METTL2A: variants seen among roughly 807,000 people sequenced by gnomAD.
METTL2A encodes the protein tRNA N(3)-cytidine methyltransferase METTL2A.
In METTL2A, 45 loss-of-function variants were observed where a neutral mutation model predicts 49.4. The ratio of observed to expected loss-of-function variants is 0.91; its 90% CI spans 0.72 to 1.17. The LOEUF is 1.17. Ranked by LOEUF, METTL2A falls within the 50% of genes most tolerant of loss-of-function variation. METTL2A has a pLI of 0.00. For synonymous variants in METTL2A, 118 were observed against 167.5 expected, an observed-to-expected ratio of 0.70 and a Z score of 2.28; for missense variants, 361 against 462.2, an observed-to-expected ratio of 0.78 and a Z score of 2.01.
intron 5 of METTL2A, 138 bp downstream of exon 5, chr17:62,435,430 C>G: frequency 8.3e-7 from 1 of 1,210,930 alleles, no homozygotes; most frequent in East Asian, 2.5e-5. Context: ...TTACTGATAA[C>G]GAGCATACCT....
intron 4 of METTL2A, among the ~76,000 whole-genome samples, chr17:62,433,334 T>C (rs576971658): frequency 1.9e-4 from 29 of 151,818 alleles, no homozygotes; most frequent in African/African-American, 6.8e-4. Flanking sequence ...CTCAGGAAGC[T>C]AAGGCAGGAG....
intron 7 of METTL2A, among the ~76,000 whole-genome samples, chr17:62,445,477 A>G (rs1333062867): frequency 1.3e-5 from 2 of 152,098 alleles, no homozygotes; most frequent in East Asian, 1.9e-4. Flanking sequence ...CAAGACAGCT[A>G]CCTTTAGAAG....
chr17:62,439,081 C>T (rs1341023572), intron 5 of METTL2A, among the ~76,000 whole-genome samples: 6 of 148,662 alleles, frequency 4.0e-5, no homozygotes, highest in African/African-American at 1.5e-4. Flanking sequence ...CAGGTTCAAG[C>T]GATTCTCCTG....
chr17:62,425,874 G>A (rs1482236666), intron 2 of METTL2A, among the ~76,000 whole-genome samples: 6 of 151,434 alleles, frequency 4.0e-5, no homozygotes, highest in Non-Finnish European at 8.8e-5. Flanking sequence ...GGTGGCAGGC[G>A]CCTGTAGTCC....
chr17:62,452,107 A>G lies in METTL2A; in HGVS notation c.*3378A>G, dbSNP rs2070809534. Among the ~76,000 whole-genome samples, 2 of 152,354 alleles carry G rather than the reference A, an allele frequency of 1.3e-5. No homozygotes were observed. Among genetic ancestry groups the G allele is most frequent in the Admixed American group, 6.5e-5 (1 of 15,292 alleles). On this transcript the variant is annotated 3_prime_UTR_variant, in exon 9 of 9. Transcript: ENST00000311506. ...AAAAATAAATAATTGTATTGAATTTATTAGTTGTGTCTCAGTCTCCTTCAG... is the reference window on the plus strand; with the variant it reads ...AAAAATAAATAATTGTATTGAATTTGTTAGTTGTGTCTCAGTCTCCTTCAG...
chr17:62,443,115 A>G (rs2070747731), intron 6 of METTL2A, among the ~76,000 whole-genome samples: 2 of 152,202 alleles, frequency 1.3e-5, no homozygotes, highest in Admixed American at 1.3e-4. Context: ...GCTCACGCCT[A>G]TAATCCCACC....
rs192859023 is a variant in METTL2A at position 62,430,975 on chromosome 17, C to T, written c.608+3138C>T. Among the ~76,000 whole-genome samples, 333 of 152,342 alleles carry T rather than the reference C, an allele frequency of 2.2e-3. 1 individual carries two copies. The highest frequency in any genetic ancestry group is 7.5e-3 in the African/African-American group (313 of 41,590). On this transcript the variant is annotated intron_variant, in intron 4 of 8. Coordinates refer to ENST00000311506, the MANE Select transcript of METTL2A (RefSeq NM_181725.4). Reference sequence around the variant, plus strand: ...CCGCCTCCTGGGATCAAGCAATTCTCCTGCCTCAGCCTCCCAAGTAGCTGG... The same window carrying T: ...CCGCCTCCTGGGATCAAGCAATTCTTCTGCCTCAGCCTCCCAAGTAGCTGG...
At chr17:62,435,028 A>G (rs1160707357) in intron 4 of METTL2A, 26 of 622,804 alleles carry the variant, frequency 4.2e-5, no homozygotes, top group Middle Eastern at 7.3e-4. Context: ...TAAACTTCAT[A>G]TTAGCTATGT....
chr17:62,440,752 G>C lies in METTL2A; in HGVS notation c.805G>C (p.Asp269His). Residue 269 changes from aspartate (D) to histidine (H), a missense_variant, in exon 6 of 9, where the codon GAC becomes CAC. By Grantham distance (81) the Asp-to-His change is moderately conservative (BLOSUM62 -1). Around this residue, in one of 3 missense-constraint regions of METTL2A, gnomAD observed 183 missense variants for 216.5 expected, o/e 0.85. Coordinates refer to ENST00000311506, the MANE Select transcript of METTL2A (RefSeq NM_181725.4). ...ATTTGTTCTTTCAGCAATTGTTCCAGACAAGTAAGTTTGGGTCCCTTGGCT... is the reference window on the plus strand; with the variant it reads ...ATTTGTTCTTTCAGCAATTGTTCCACACAAGTAAGTTTGGGTCCCTTGGCT... The part of the protein sequence containing the change: ...LIFVLSAIVP[D>H]KMQKAINRLS... The C allele has an allele frequency of 6.2e-7, 1 of 1,612,792 alleles. No individual in the cohort carries two copies.
In METTL2A at chr17:62,452,016, C is replaced by T. The variant is rs1411516962; in HGVS notation, c.*3287C>T. 4.6e-5 allele frequency among the ~76,000 whole-genome samples: 7 copies of T among 152,174 alleles called. No individual in the cohort carries two copies. The East Asian group carries it at 9.7e-4, about 21-fold the overall frequency. ...CGGAGGTTGCGGTGAGCCGAGATCGCGCCATTGCACTCCAGCCTGGGCAAC... is the reference window on the plus strand; with the variant it reads ...CGGAGGTTGCGGTGAGCCGAGATCGTGCCATTGCACTCCAGCCTGGGCAAC... On this transcript the variant is annotated 3_prime_UTR_variant, in exon 9 of 9. Transcript: ENST00000311506.
rs2070732499 is a variant in METTL2A at position 62,440,607 on chromosome 17, C to G, written c.670-10C>G. On this transcript the variant is annotated splice_polypyrimidine_tract_variant and intron_variant, in intron 5 of 8. Coordinates refer to ENST00000311506, the MANE Select transcript of METTL2A (RefSeq NM_181725.4). ...TTTCTAACTTACCTGTGTCTTCCAT[C>G]TGTCTGCAGACAAATTCAGAATATG... is the stretch of plus-strand genomic sequence containing the variant. 2 of 1,603,878 alleles carry G rather than the reference C, an allele frequency of 1.2e-6. No homozygotes were observed. The highest frequency in any genetic ancestry group is 2.7e-5 in the African/African-American group (2 of 74,164).
intron 4 of METTL2A, among the ~76,000 whole-genome samples, chr17:62,429,748 G>T (rs2070652039): frequency 6.6e-6 from 1 of 152,172 alleles, no homozygotes; most frequent in Non-Finnish European, 1.5e-5. Context: ...TTGGCTCACT[G>T]CAACCTCTGC....
At chr17:62,439,893 T>C (rs1004222540) in intron 5 of METTL2A, among the ~76,000 whole-genome samples, 18 of 152,196 alleles carry the variant, frequency 1.2e-4, no homozygotes, top group African/African-American at 4.1e-4. Flanking sequence ...GAATGTTCTA[T>C]TTTAAAAGCA....
At chr17:62,428,024 G>A (rs769681487) in intron 4 of METTL2A, among the ~76,000 whole-genome samples, 187 bp downstream of exon 4, 12 of 152,204 alleles carry the variant, frequency 7.9e-5, no homozygotes, top group Non-Finnish European at 1.2e-4. Flanking sequence ...AAAACTTGCT[G>A]CATCAAACTA....
intron 7 of METTL2A, among the ~76,000 whole-genome samples, 177 bp downstream of exon 7, chr17:62,445,120 G>C (rs2070760533): frequency 6.9e-6 from 1 of 145,870 alleles, no homozygotes; most frequent in Admixed American, 7.0e-5. Flanking sequence ...GGGGCGGGGG[G>C]CATCACACAC....
At chr17:62,424,072 C>G in intron 1 of METTL2A, 60 bp downstream of exon 1, 1 of 1,593,912 alleles carries the variant, frequency 6.3e-7, no homozygotes, top group Non-Finnish European at 8.5e-7. Flanking sequence ...CGCCTCGGAG[C>G]ACTCCGAAAA....
chr17:62,440,858 T>C, intron 6 of METTL2A, 102 bp downstream of exon 6: 2 of 1,437,466 alleles, frequency 1.4e-6, no homozygotes, highest in Non-Finnish European at 1.9e-6. Flanking sequence ...CAGGCTGGAG[T>C]GCAGTGGCAC....
intron 8 of METTL2A, among the ~76,000 whole-genome samples, chr17:62,448,227 G>C (rs2070781850): frequency 1.3e-5 from 2 of 152,054 alleles, no homozygotes; most frequent in African/African-American, 4.8e-5. Flanking sequence ...CCCTTTTCAG[G>C]GTCACCTTCT....
chr17:62,444,601 G>A (rs932592704), intron 6 of METTL2A, among the ~76,000 whole-genome samples: 8 of 152,118 alleles, frequency 5.3e-5, no homozygotes, highest in East Asian at 3.9e-4. Flanking sequence ...ACTTTCTTAC[G>A]GCAGAAGCGG....
Sources: gnomAD v4.1 joint callset for allele counts (sites outside exome capture counted in the v4.1 genomes callset) on GRCh38, gnomAD v4.1.1 for gene constraint, gnomAD v4.1.1 regional missense constraint, MANE v1.5 for transcripts, NCBI Gene and HGNC (gene_info 2026-07-23, HGNC 2026-07-21) for gene names.